TMEM232: variants seen among roughly 807,000 people sequenced by gnomAD.
The protein encoded by TMEM232 is transmembrane protein 232.
In TMEM232, 80 loss-of-function variants were observed where a neutral mutation model predicts 78.8. The ratio of observed to expected loss-of-function variants is 1.01; its 90% CI spans 0.85 to 1.22. The LOEUF is 1.22. Among genes scored for constraint, TMEM232 ranks in the 50% most tolerant of loss-of-function variants. TMEM232 has a pLI of 0.00. For missense variants in TMEM232, 881 were observed against 742.2 expected (o/e 1.19, Z -2.17); for synonymous variants, 297 against 254.3 (o/e 1.17, Z -1.60).
At chr5:110,406,874 G>T (rs1027044727) in intron 2 of TMEM232, among the ~76,000 whole-genome samples, 5 of 151,980 alleles carry the variant, frequency 3.3e-5, no homozygotes, top group Non-Finnish European at 5.9e-5. Context: ...TTTTGCCTTT[G>T]CTTATTTCTA....
intron 2 of TMEM232, among the ~76,000 whole-genome samples, chr5:110,403,334 C>G (rs1168392457): frequency 6.6e-6 from 1 of 152,096 alleles, no homozygotes. Flanking sequence ...TATTTACCAT[C>G]ACTCTCAGCT....
At chr5:110,505,596 A>T (rs149024060) in intron 12 of TMEM232, among the ~76,000 whole-genome samples, 6,190 of 152,072 alleles carry the variant, frequency 0.041, 199 homozygotes, top group African/African-American at 0.087. Flanking sequence ...AACCTCCACC[A>T]CCTGGGTTCA....
chr5:110,576,638 T>G (rs1777601964), intron 10 of TMEM232, among the ~76,000 whole-genome samples: 1 of 152,088 alleles, frequency 6.6e-6, no homozygotes, highest in Admixed American at 6.6e-5. Context: ...CAAACTATAC[T>G]GCGGGGCTAC....
chr5:110,711,420 T>G (rs1045743060), intron 1 of TMEM232, among the ~76,000 whole-genome samples: 1 of 152,064 alleles, frequency 6.6e-6, no homozygotes, highest in Non-Finnish European at 1.5e-5. Context: ...ATCCTAAAAT[T>G]TATATGAAAC....
rs373002550 is a variant in TMEM232 at position 110,463,840 on chromosome 5, C to A, written c.1704-38924G>T. Among the ~76,000 whole-genome samples the A allele has an allele frequency of 9.8e-5, 15 of 152,344 alleles. No homozygotes were observed. In the East Asian group the frequency reaches 2.1e-3, roughly 22 times the overall value. ...ACCTGCCCTACATAAGACCACCCAC[C>A]TGATTTCCCTGTATTTCATCTTTAT... On this transcript the variant is annotated intron_variant, in intron 12 of 13. Transcript: ENST00000455884.
At chr5:110,605,446 A>T in intron 9 of TMEM232, 88 bp from the exon 10 acceptor site, 1 of 1,376,918 alleles carries the variant, frequency 7.3e-7, no homozygotes, top group Non-Finnish European at 9.6e-7. Flanking sequence ...TTGTTAAAAG[A>T]CCATAATAAA....
At position 110,586,832 on chromosome 5, in the gene TMEM232, G is replaced by A. The variant is rs567898734; in HGVS notation, c.1277-18207C>T. ...TTATGTTACTCCTCATAAATTTTTA[G>A]ATTTAAGTTTATTACTACTATAGTT... On this transcript the variant is annotated intron_variant, in intron 10 of 13. Coordinates refer to ENST00000455884, the MANE Select transcript of TMEM232 (RefSeq NM_001039763.4). Among the ~76,000 whole-genome samples, 11 of 152,120 alleles carry A rather than the reference G, an allele frequency of 7.2e-5. No homozygotes were observed. The South Asian group carries it at 2.3e-3, about 32-fold the overall frequency.
chr5:110,657,689 G>A (rs1789270564), intron 2 of TMEM232, among the ~76,000 whole-genome samples: 1 of 152,066 alleles, frequency 6.6e-6, no homozygotes, highest in African/African-American at 2.4e-5. Context: ...ACACAGTAGG[G>A]TGACTATAGT....
intron 12 of TMEM232, among the ~76,000 whole-genome samples, chr5:110,485,297 C>T (rs188520051): frequency 1.3e-3 from 200 of 152,216 alleles, no homozygotes; most frequent in African/African-American, 4.7e-3. Context: ...GCAGAATATA[C>T]ATTCTTCTCA....
intron 2 of TMEM232, among the ~76,000 whole-genome samples, chr5:110,651,111 G>A (rs911123409): frequency 1.3e-5 from 2 of 152,066 alleles, no homozygotes; most frequent in Non-Finnish European, 2.9e-5. Flanking sequence ...CACTCTGCTA[G>A]GCAAGAGGAC....
At chr5:110,438,700 G>A (rs1758698971) in intron 12 of TMEM232, among the ~76,000 whole-genome samples, 1 of 151,960 alleles carries the variant, frequency 6.6e-6, no homozygotes, top group Non-Finnish European at 1.5e-5. Context: ...GGCTTTCAAA[G>A]TCCCTGAATA....
chr5:110,628,022 A>G, intron 5 of TMEM232, 142 bp from the exon 6 acceptor site: 2 of 674,318 alleles, frequency 3.0e-6, no homozygotes, highest in Non-Finnish European at 5.0e-6. Flanking sequence ...TGGTTTTTAA[A>G]TAACATTAAA....
chr5:110,692,748 G>C (rs938038251), intron 1 of TMEM232, among the ~76,000 whole-genome samples: 3 of 152,208 alleles, frequency 2.0e-5, no homozygotes, highest in Non-Finnish European at 4.4e-5. Context: ...CAGCAAGGCT[G>C]GGGGAGGGGT....
intron 2 of TMEM232, among the ~76,000 whole-genome samples, chr5:110,645,473 T>C (rs979020449): frequency 5.6e-5 from 8 of 142,092 alleles, no homozygotes; most frequent in Admixed American, 1.4e-4. Flanking sequence ...AAAAAAAAGG[T>C]CAACTCAACA....
chr5:110,690,222 T>A (rs1406625701), intron 1 of TMEM232, among the ~76,000 whole-genome samples: 6 of 152,176 alleles, frequency 3.9e-5, no homozygotes, highest in Non-Finnish European at 7.3e-5. Flanking sequence ...GAATAAAATT[T>A]TTTCAGTCTA....
intron 2 of TMEM232, among the ~76,000 whole-genome samples, chr5:110,401,749 A>T (rs887189222): frequency 1.3e-4 from 20 of 152,114 alleles, no homozygotes; most frequent in African/African-American, 4.8e-4. Context: ...TAATTGAATT[A>T]ACTGCCAATA....
chr5:110,427,799 T>C lies in TMEM232; in HGVS notation c.1704-2883A>G, dbSNP rs1580632773. Among the ~76,000 whole-genome samples the C allele has an allele frequency of 2.0e-5, 3 of 152,072 alleles. No homozygotes were observed. In the East Asian group the frequency reaches 5.8e-4, roughly 29 times the overall value. On this transcript the variant is annotated intron_variant, in intron 12 of 13. Coordinates refer to ENST00000455884, the MANE Select transcript of TMEM232 (RefSeq NM_001039763.4). ...ACGTGGCTTTTTCCTTCTGTGACTC[T>C]GGGTGTCTTCTACTGTTCTTTTTCA... is the stretch of plus-strand genomic sequence containing the variant.
intron 11 of TMEM232, among the ~76,000 whole-genome samples, chr5:110,529,536 C>T (rs1771120063): frequency 6.6e-6 from 1 of 152,132 alleles, no homozygotes; most frequent in Admixed American, 6.5e-5. Context: ...CGTGAGCCAC[C>T]ATGCCCGGCC....
At position 110,469,513 on chromosome 5, in the gene TMEM232, C is replaced by T. The variant is rs79627433; in HGVS notation, c.1704-44597G>A. ...GCCTTGGTGAAGCCACCCTATCTAC[C>T]CCTCTCCAAGCCACTGCTGCACTCT... On this transcript the variant is annotated intron_variant, in intron 12 of 13. Transcript: ENST00000455884. 2.0e-5 allele frequency among the ~76,000 whole-genome samples: 3 copies of T among 152,172 alleles called. No individual in the cohort carries two copies. In the South Asian group the frequency reaches 6.2e-4, roughly 32 times the overall value.
Sources: allele counts gnomAD v4.1 joint callset (sites outside exome capture counted in the v4.1 genomes callset), GRCh38; gene constraint gnomAD v4.1.1; transcripts MANE v1.5; gene names NCBI Gene and HGNC (gene_info 2026-07-23, HGNC 2026-07-21).